The following PLAAT3 variants were observed in gnomAD, a reference collection of about 807,000 sequenced individuals.
PLAAT3 encodes phospholipase A and acyltransferase 3, also known as Ca-independent phospholipase A1/2.
A neutral mutation model predicts 16.7 loss-of-function variants in PLAAT3; 21 were observed. The ratio of observed to expected loss-of-function variants is 1.26; its 90% CI spans 0.89 to 1.81. The LOEUF is 1.81. Among genes scored for constraint, PLAAT3 ranks in the 40% most tolerant of loss-of-function variants. PLAAT3 has a pLI of 0.00. For synonymous variants in PLAAT3, 76 were observed against 81.7 expected (o/e 0.93, Z 0.38); for missense variants, 219 against 213.7 (o/e 1.02, Z -0.16).
chr11:63,591,731 G>A (rs751501322), intron 3 of PLAAT3, among the ~76,000 whole-genome samples: 3 of 152,236 alleles, frequency 2.0e-5, no homozygotes, highest in Non-Finnish European at 4.4e-5. Context: ...AAAAGGGCAC[G>A]TGAAGCTTGG....
intron 2 of PLAAT3, 57 bp downstream of exon 2, chr11:63,613,943 G>A: frequency 6.5e-6 from 7 of 1,080,274 alleles, no homozygotes; most frequent in Non-Finnish European, 8.6e-6. Context: ...GAGACAACGA[G>A]TCCCCACTAA....
At chr11:63,576,702 T>C (rs1358172493) in intron 4 of PLAAT3, among the ~76,000 whole-genome samples, 1 of 152,178 alleles carries the variant, frequency 6.6e-6, no homozygotes, top group Non-Finnish European at 1.5e-5. Flanking sequence ...CCAGTATATA[T>C]AGAGGGTAAG....
intron 4 of PLAAT3, among the ~76,000 whole-genome samples, chr11:63,589,217 G>A (rs984833286): frequency 4.6e-5 from 7 of 151,966 alleles, no homozygotes; most frequent in African/African-American, 1.7e-4. Context: ...TCCAGCCCAC[G>A]TTGGCCTGAC....
intron 3 of PLAAT3, among the ~76,000 whole-genome samples, chr11:63,597,175 T>C (rs577390619): frequency 4.5e-4 from 68 of 152,040 alleles, no homozygotes; most frequent in Non-Finnish European, 7.8e-4. Context: ...CCTTCTGCCA[T>C]GATGGTAAGT....
At chr11:63,602,062 C>A (rs898471133) in intron 2 of PLAAT3, among the ~76,000 whole-genome samples, 1 of 149,764 alleles carries the variant, frequency 6.7e-6, no homozygotes, top group African/African-American at 2.5e-5. Context: ...CCGAGGCAGG[C>A]AGATCACGTG....
upstream of PLAAT3, among the ~76,000 whole-genome samples, chr11:63,614,752 A>C (rs2134440103): frequency 6.6e-6 from 1 of 151,892 alleles, no homozygotes; most frequent in East Asian, 2.0e-4. Flanking sequence ...GCGGTGGCTC[A>C]CGCCTGTAAT....
intron 3 of PLAAT3, among the ~76,000 whole-genome samples, chr11:63,591,917 T>C (rs1938163255): frequency 6.6e-6 from 1 of 151,810 alleles, no homozygotes; most frequent in South Asian, 2.1e-4. Flanking sequence ...AGGCACCAAA[T>C]CTCAGGGCCA....
At chr11:63,591,490 G>C (rs1938151926) in intron 3 of PLAAT3, among the ~76,000 whole-genome samples, 3 of 152,340 alleles carry the variant, frequency 2.0e-5, no homozygotes, top group Non-Finnish European at 2.9e-5. Context: ...CAGCCACTGT[G>C]ACCCTGTCAG....
chr11:63,599,030 A>C lies in PLAAT3; in HGVS notation c.16-867T>G, dbSNP rs114650340. On this transcript the variant is annotated intron_variant, in intron 2 of 4. Transcript: ENST00000415826. ...AGAGGTTCAAGATCCCATCCATTCA[A>C]CATTATCCACGTCCATTCAGCATTA... is the stretch of plus-strand genomic sequence containing the variant. Among the ~76,000 whole-genome samples, 1,409 of 152,292 alleles carry C rather than the reference A, an allele frequency of 9.3e-3. 27 individuals are homozygous for C. The highest frequency in any genetic ancestry group is 0.032 in the African/African-American group (1,336 of 41,548).
chr11:63,576,416 G>T (rs958034755), intron 4 of PLAAT3, among the ~76,000 whole-genome samples: 3 of 152,168 alleles, frequency 2.0e-5, no homozygotes, highest in Admixed American at 6.5e-5. Context: ...TTGAGGCCAG[G>T]AGTTCCAGAC....
intron 4 of PLAAT3, among the ~76,000 whole-genome samples, chr11:63,577,154 G>A (rs942458138): frequency 6.6e-6 from 1 of 150,860 alleles, no homozygotes; most frequent in Non-Finnish European, 1.5e-5. Flanking sequence ...GAACATGATG[G>A]TTGGCAAGTG....
chr11:63,577,883 ACT>A (rs1351680236), intron 4 of PLAAT3, among the ~76,000 whole-genome samples: 1 of 152,226 alleles, frequency 6.6e-6, no homozygotes, highest in Non-Finnish European at 1.5e-5. Context: ...TGAAAAAACA[ACT>A]CAACAGAAAA....
chr11:63,615,382 ATATATGTG>A (rs1301602318), upstream of PLAAT3, among the ~76,000 whole-genome samples: 4 of 57,082 alleles, frequency 7.0e-5, 1 homozygote, highest in Non-Finnish European at 1.6e-4. Context: ...ATGTGTGTAT[ATATATGTG>A]TATATATGTG....
At chr11:63,583,255 T>C (rs1937873372) in intron 4 of PLAAT3, among the ~76,000 whole-genome samples, 1 of 152,234 alleles carries the variant, frequency 6.6e-6, no homozygotes, top group South Asian at 2.1e-4. Flanking sequence ...AGGCATGGTT[T>C]TGTGGCAGCC....
chr11:63,609,534 G>C (rs1220383074), intron 2 of PLAAT3, among the ~76,000 whole-genome samples: 1 of 152,202 alleles, frequency 6.6e-6, no homozygotes, highest in Admixed American at 6.5e-5. Flanking sequence ...GGAAGTGAAA[G>C]CTGTAAAAGC....
chr11:63,616,845 A>C (rs1938886763), upstream of PLAAT3: 1 of 151,958 alleles, frequency 6.6e-6, no homozygotes, highest in Admixed American at 6.6e-5. Context: ...TAGCCGGGCG[A>C]GGTGGCGGGT....
chr11:63,613,676 G>C (rs1938750676), intron 2 of PLAAT3, among the ~76,000 whole-genome samples: 1 of 19,130 alleles, frequency 5.2e-5, no homozygotes, highest in Admixed American at 1.2e-3. Flanking sequence ...CTGTCCCGCT[G>C]TCCGGGTGTG....
At chr11:63,606,720 G>A (rs1373426381) in intron 2 of PLAAT3, among the ~76,000 whole-genome samples, 4 of 152,210 alleles carry the variant, frequency 2.6e-5, no homozygotes, top group Admixed American at 2.0e-4. Context: ...CCAGCGGGGC[G>A]CGTGTCTGAG....
chr11:63,600,591 TG>T (rs1331997287), intron 2 of PLAAT3, among the ~76,000 whole-genome samples: 2 of 148,118 alleles, frequency 1.4e-5, no homozygotes, highest in Non-Finnish European at 1.5e-5. Flanking sequence ...TTGTTTTTTT[TG>T]TTTTGTTTTG....
Sources: allele counts gnomAD v4.1 joint callset (sites outside exome capture counted in the v4.1 genomes callset), GRCh38; gene constraint gnomAD v4.1.1; transcripts MANE v1.5; gene names NCBI Gene and HGNC (gene_info 2026-07-23, HGNC 2026-07-21).